Variants in MACROD2 observed in about 807,000 individuals in gnomAD.
MACROD2 encodes the protein mono-ADP ribosylhydrolase 2, also known as ADP-ribose glycohydrolase MACROD2.
Under a neutral mutation model 70.4 loss-of-function variants are expected in MACROD2, and 36 were observed. That is an observed-to-expected ratio of 0.51 (90% CI 0.39 to 0.68). The LOEUF (loss-of-function observed/expected upper bound fraction) is 0.68, where lower values mean the gene tolerates loss of function less well. MACROD2 is among the 30% of genes least tolerant of loss of function. MACROD2 has a pLI of 0.00. For synonymous variants in MACROD2, 172 were observed against 178.8 expected, an observed-to-expected ratio of 0.96 and a Z score of 0.30; for missense variants, 496 against 538.4, an observed-to-expected ratio of 0.92 and a Z score of 0.78.
chr20:15,507,907 T>A (rs2047448977), intron 8 of MACROD2, among the ~76,000 whole-genome samples: 1 of 152,196 alleles, frequency 6.6e-6, no homozygotes, highest in Non-Finnish European at 1.5e-5. Flanking sequence ...ATTTTGCTGT[T>A]TCAGTTAGTG....
chr20:14,179,114 T>A (rs2081287204), intron 3 of MACROD2, among the ~76,000 whole-genome samples: 1 of 152,130 alleles, frequency 6.6e-6, no homozygotes, highest in Admixed American at 6.5e-5. Context: ...AGTTTAGAGA[T>A]CATTGACTGA....
At chr20:15,127,247 A>G (rs1001718520) in intron 5 of MACROD2, among the ~76,000 whole-genome samples, 2 of 152,110 alleles carry the variant, frequency 1.3e-5, no homozygotes, top group Non-Finnish European at 2.9e-5. Flanking sequence ...TGCAAAATAA[A>G]TAAATGCTAG....
At chr20:15,831,595 C>T (rs1432967721) in intron 8 of MACROD2, among the ~76,000 whole-genome samples, 3 of 152,170 alleles carry the variant, frequency 2.0e-5, no homozygotes, top group Non-Finnish European at 4.4e-5. Flanking sequence ...ACTGCTTCAG[C>T]CCCTGCCCAG....
intron 4 of MACROD2, among the ~76,000 whole-genome samples, chr20:14,550,325 A>C (rs1437567686): frequency 6.6e-6 from 1 of 151,434 alleles, no homozygotes; most frequent in African/African-American, 2.4e-5. Context: ...CTCTTCCTTC[A>C]CTTTCCTTCC....
intron 3 of MACROD2, among the ~76,000 whole-genome samples, chr20:14,174,590 G>C (rs1009968055): frequency 1.3e-5 from 2 of 152,114 alleles, no homozygotes; most frequent in Admixed American, 1.3e-4. Context: ...CAGGCCTCCC[G>C]GCTGAGAAAG....
chr20:14,929,889 C>T lies in MACROD2; in HGVS notation c.418+244930C>T, dbSNP rs564050756. Among the ~76,000 whole-genome samples the T allele has an allele frequency of 1.2e-4, 18 of 152,184 alleles. No homozygotes were observed. In the South Asian group the frequency reaches 1.2e-3, roughly 11 times the overall value. Reference sequence around the variant, plus strand: ...GAAATTTACATGAGTTTGCTGGGCGCGGTATCTCACGCCTGTAATCCCAGC... The same window carrying T: ...GAAATTTACATGAGTTTGCTGGGCGTGGTATCTCACGCCTGTAATCCCAGC... On this transcript the variant is annotated intron_variant, in intron 5 of 17. Transcript: ENST00000684519.
intron 4 of MACROD2, chr20:14,547,198 T>C: frequency 4.4e-6 from 2 of 455,060 alleles, no homozygotes; most frequent in Non-Finnish European, 6.6e-6. Context: ...ATTAATCTTA[T>C]AGGATGTAAG....
At chr20:14,430,464 A>G (rs1048603074) in intron 3 of MACROD2, among the ~76,000 whole-genome samples, 1 of 152,190 alleles carries the variant, frequency 6.6e-6, no homozygotes, top group African/African-American at 2.4e-5. Flanking sequence ...AATCGGTTTG[A>G]TATGGATGCC....
chr20:14,173,281 A>C (rs1453964155), intron 3 of MACROD2, among the ~76,000 whole-genome samples: 1 of 152,062 alleles, frequency 6.6e-6, no homozygotes, highest in Non-Finnish European at 1.5e-5. Flanking sequence ...AATTATTCTT[A>C]GGTTTGGTCA....
At chr20:14,146,487 C>CTACA (rs1389509058) in intron 3 of MACROD2, among the ~76,000 whole-genome samples, 1 of 152,030 alleles carries the variant, frequency 6.6e-6, no homozygotes, top group Non-Finnish European at 1.5e-5. Context: ...TTCTAGTTAG[C>CTACA]TGTAGGCTTG....
At chr20:14,372,297 A>T (rs938411838) in intron 3 of MACROD2, among the ~76,000 whole-genome samples, 2 of 152,222 alleles carry the variant, frequency 1.3e-5, no homozygotes, top group African/African-American at 4.8e-5. Flanking sequence ...ATTAATACAG[A>T]TATCCTAAAT....
At chr20:15,871,077 G>A (rs2064574494) in intron 9 of MACROD2, among the ~76,000 whole-genome samples, 1 of 150,668 alleles carries the variant, frequency 6.6e-6, no homozygotes, top group Non-Finnish European at 1.5e-5. Context: ...TCGGGATGTT[G>A]AGGCAGGAGA....
chr20:15,727,572 A>G (rs1215484739), intron 8 of MACROD2, among the ~76,000 whole-genome samples: 1 of 152,164 alleles, frequency 6.6e-6, no homozygotes, highest in African/African-American at 2.4e-5. Flanking sequence ...ATCCATGAGC[A>G]TGGAATGTTT....
chr20:15,493,192 C>G (rs550166317), intron 7 of MACROD2, among the ~76,000 whole-genome samples: 2 of 152,144 alleles, frequency 1.3e-5, no homozygotes, highest in African/African-American at 4.8e-5. Context: ...TGCCTTCTTA[C>G]AAACTGCAAG....
In MACROD2 at chr20:14,702,055, A is replaced by T. The variant is rs183628523; in HGVS notation, c.418+17096A>T. Among the ~76,000 whole-genome samples, 778 of 152,226 alleles carry T rather than the reference A, an allele frequency of 5.1e-3. 10 individuals are homozygous for T. The highest frequency in any genetic ancestry group is 0.017 in the African/African-American group (723 of 41,540). ...TTTCCTCTCATCCCTAGACATGAACATGAAGATTTGCTTATATATAAATTC... is the reference window on the plus strand; with the variant it reads ...TTTCCTCTCATCCCTAGACATGAACTTGAAGATTTGCTTATATATAAATTC... On this transcript the variant is annotated intron_variant, in intron 5 of 17. Transcript: ENST00000684519.
intron 6 of MACROD2, among the ~76,000 whole-genome samples, chr20:15,300,886 A>G (rs920557825): frequency 1.1e-4 from 17 of 152,302 alleles, no homozygotes; most frequent in East Asian, 7.7e-4. Context: ...TGGGCTGAAG[A>G]CCCGGATGGA....
chr20:15,547,661 T>C (rs904946771), intron 8 of MACROD2, among the ~76,000 whole-genome samples: 2 of 152,230 alleles, frequency 1.3e-5, no homozygotes, highest in Non-Finnish European at 2.9e-5. Context: ...ATTTGTAAGA[T>C]GGAATAAAGC....
intron 8 of MACROD2, among the ~76,000 whole-genome samples, chr20:15,614,744 A>G (rs940821806): frequency 1.3e-5 from 2 of 152,200 alleles, no homozygotes; most frequent in Admixed American, 6.5e-5. Flanking sequence ...GATATATCTT[A>G]AAGAACCAGG....
chr20:14,336,326 A>C (rs998444970), intron 3 of MACROD2, among the ~76,000 whole-genome samples: 1 of 152,134 alleles, frequency 6.6e-6, no homozygotes, highest in African/African-American at 2.4e-5. Flanking sequence ...AAATTGAAAA[A>C]AAAATCAATT....
Sources: allele counts gnomAD v4.1 joint callset (sites outside exome capture counted in the v4.1 genomes callset), GRCh38; gene constraint gnomAD v4.1.1; transcripts MANE v1.5; gene names NCBI Gene and HGNC (gene_info 2026-07-23, HGNC 2026-07-21).